Variants in RGS6 observed in about 807,000 individuals in gnomAD.
RGS6 encodes regulator of G protein signaling 6, also known as regulator of G-protein signaling 6.
In RGS6, 30 loss-of-function variants were observed where a neutral mutation model predicts 78.5. The observed-to-expected ratio is 0.38, with a 90% confidence interval of 0.29 to 0.52. The LOEUF (loss-of-function observed/expected upper bound fraction) is 0.52, where lower values mean the gene tolerates loss of function less well. Ranked by LOEUF, RGS6 falls within the 20% of genes least tolerant of loss-of-function variation. The pLI, the probability that RGS6 is intolerant of heterozygous loss-of-function variation, is 0.85. For missense variants in RGS6, 495 were observed against 609.7 expected (o/e 0.81, Z 1.98); for synonymous variants, 206 against 206.0 (o/e 1.00, Z 0.00).
rs1271489781 is a variant in RGS6 at position 72,563,980 on chromosome 14, C to G, written c.*1513C>G. On this transcript the variant is annotated 3_prime_UTR_variant, in exon 18 of 18. Coordinates refer to ENST00000553525, the MANE Select transcript of RGS6 (RefSeq NM_001204424.2). ...GATCGCTGGTATTTCTTTTCTCATG[C>G]AGCCAAATTCGCCAGCTGGTGACCA... The G allele has an allele frequency of 6.6e-6, 1 of 152,214 alleles. No individual in the cohort carries two copies. The highest frequency in any genetic ancestry group is 2.4e-5 in the African/African-American group (1 of 41,442). 9.4% of individuals were successfully genotyped at this position (152,214 alleles called of 1,614,324 possible). A position where few individuals can be genotyped will look rare whatever the true frequency, so the allele number is the denominator to read the frequency against.
the RGS6 span, among the ~76,000 whole-genome samples, chr14:72,572,717 A>T: frequency 6.6e-6 from 1 of 152,178 alleles, no homozygotes; most frequent in Non-Finnish European, 1.5e-5. Flanking sequence ...ATGTTCTAAA[A>T]TTTATTGTAG....
the RGS6 span, among the ~76,000 whole-genome samples, chr14:71,905,944 T>G: frequency 6.6e-6 from 1 of 152,208 alleles, no homozygotes; most frequent in Admixed American, 6.5e-5. Context: ...TTGTTGATAA[T>G]TGTGATACAC....
chr14:72,606,271 T>A, the RGS6 span, among the ~76,000 whole-genome samples: 1 of 152,104 alleles, frequency 6.6e-6, no homozygotes. Context: ...CATGTATACC[T>A]CGATCTGCAT....
the RGS6 span, among the ~76,000 whole-genome samples, chr14:72,612,810 C>T: frequency 1.3e-4 from 20 of 152,334 alleles, no homozygotes; most frequent in African/African-American, 4.3e-4. Context: ...AGAGAGGTCG[C>T]GGAGCCAGTA....
chr14:72,193,375 T>C (rs2039198820), intron 2 of RGS6, among the ~76,000 whole-genome samples: 1 of 152,204 alleles, frequency 6.6e-6, no homozygotes, highest in South Asian at 2.1e-4. Flanking sequence ...AACTGCTCCC[T>C]CTAATGGGAG....
At chr14:72,182,448 G>A (rs1430258885) in intron 2 of RGS6, among the ~76,000 whole-genome samples, 2 of 146,466 alleles carry the variant, frequency 1.4e-5, no homozygotes, top group Non-Finnish European at 1.5e-5. Flanking sequence ...AAGCAAGAAA[G>A]TAAGAAAGAA....
In RGS6 at chr14:72,146,305, C is replaced by T. The variant is rs1194281900; in HGVS notation, c.84+181430C>T. Among the ~76,000 whole-genome samples, 4 of 152,236 alleles carry T rather than the reference C, an allele frequency of 2.6e-5. 1 individual carries two copies. The highest frequency in any genetic ancestry group is 5.9e-5 in the Non-Finnish European group (4 of 68,046). On this transcript the variant is annotated intron_variant, in intron 2 of 17. Transcript: ENST00000553525. ...GGGGGTTAAGTTTCCAACTCATGAACTTCAGAGGACACATTCAAATCATAG... is the reference window on the plus strand; with the variant it reads ...GGGGGTTAAGTTTCCAACTCATGAATTTCAGAGGACACATTCAAATCATAG...
chr14:72,134,549 A>G (rs1472751758), intron 2 of RGS6, among the ~76,000 whole-genome samples: 1 of 152,254 alleles, frequency 6.6e-6, no homozygotes, highest in Non-Finnish European at 1.5e-5. Context: ...TGTGCCATTT[A>G]ACATGTGTGT....
intron 2 of RGS6, among the ~76,000 whole-genome samples, chr14:72,006,456 G>C (rs184880286): frequency 1.3e-5 from 2 of 152,240 alleles, no homozygotes; most frequent in East Asian, 3.9e-4. Flanking sequence ...TGTTTCTCTT[G>C]GCCCACTAAC....
chr14:72,601,115 G>A, the RGS6 span, among the ~76,000 whole-genome samples: 4 of 152,180 alleles, frequency 2.6e-5, no homozygotes, highest in South Asian at 6.2e-4. Flanking sequence ...CTCAGTAGAC[G>A]AGGTACAGAC....
the RGS6 span, among the ~76,000 whole-genome samples, chr14:71,926,242 T>C: frequency 6.6e-6 from 1 of 152,206 alleles, no homozygotes; most frequent in African/African-American, 2.4e-5. Context: ...GTTGGAGGCA[T>C]ACTGATTTCA....
chr14:71,961,589 G>C (rs189153972), intron 1 of RGS6, among the ~76,000 whole-genome samples: 63 of 152,306 alleles, frequency 4.1e-4, no homozygotes, highest in Non-Finnish European at 7.3e-4. Context: ...CTAATGAGAG[G>C]CATCTTGTAA....
chr14:72,002,911 C>T (rs1170749224), intron 2 of RGS6, among the ~76,000 whole-genome samples: 1 of 152,172 alleles, frequency 6.6e-6, no homozygotes, highest in African/African-American at 2.4e-5. Context: ...ACTGCAAAAT[C>T]GAATTCAGTG....
At chr14:72,323,311 T>A (rs964537041) in intron 2 of RGS6, among the ~76,000 whole-genome samples, 2 of 151,744 alleles carry the variant, frequency 1.3e-5, no homozygotes, top group African/African-American at 4.8e-5. Flanking sequence ...GTGCCCAAAT[T>A]ACACAAATAA....
chr14:72,511,490 G>C (rs1024006653), intron 14 of RGS6: 2 of 152,164 alleles, frequency 1.3e-5, no homozygotes, highest in African/African-American at 2.4e-5. Context: ...CGACCTTGTA[G>C]GTCCTTGAGG....
Position 72,496,428 on chromosome 14 carries a change from C to T in RGS6, c.965+1166C>T, listed in dbSNP as rs138069924. 1.2e-3 allele frequency among the ~76,000 whole-genome samples: 190 copies of T among 152,316 alleles called. 4 individuals are homozygous for T. In the South Asian group the frequency reaches 0.021, roughly 16 times the overall value. On this transcript the variant is annotated intron_variant, in intron 13 of 17. Transcript: ENST00000553525. ...ACGCATCTTTGCAAATCTGGCTTTTCGGAGCAGTCACTATGATAAAAAGCA... is the reference window on the plus strand; with the variant it reads ...ACGCATCTTTGCAAATCTGGCTTTTTGGAGCAGTCACTATGATAAAAAGCA...
intron 2 of RGS6, among the ~76,000 whole-genome samples, chr14:72,147,050 C>G (rs1365991381): frequency 6.6e-6 from 1 of 152,170 alleles, no homozygotes; most frequent in South Asian, 2.1e-4. Flanking sequence ...TCAGGATGGC[C>G]ATTACTGTCC....
At chr14:72,583,140 G>A in the RGS6 span, among the ~76,000 whole-genome samples, 55,511 of 151,836 alleles carry the variant, frequency 0.37, 10,971 homozygotes, top group Non-Finnish European at 0.43. Context: ...GCAGTCCCCC[G>A]GGTCTCAGGC....
intron 2 of RGS6, among the ~76,000 whole-genome samples, chr14:72,115,729 T>C (rs2095871278): frequency 6.6e-6 from 1 of 152,224 alleles, no homozygotes; most frequent in African/African-American, 2.4e-5. Context: ...AAATGTCATA[T>C]GAAATGCCTC....
Sources: gnomAD v4.1 joint callset for allele counts (sites outside exome capture counted in the v4.1 genomes callset) on GRCh38, gnomAD v4.1.1 for gene constraint, MANE v1.5 for transcripts, NCBI Gene and HGNC (gene_info 2026-07-23, HGNC 2026-07-21) for gene names.